Variants in BTNL9 observed in about 807,000 individuals in gnomAD.
The protein encoded by BTNL9 is butyrophilin like 9.
Under a neutral mutation model 45.8 loss-of-function variants are expected in BTNL9, and 45 were observed. That is an observed-to-expected ratio of 0.98 (90% CI 0.77 to 1.26). BTNL9 has a LOEUF of 1.26. Ranked by LOEUF, BTNL9 falls within the 50% of genes most tolerant of loss-of-function variation. BTNL9 has a pLI of 0.00. For synonymous variants in BTNL9, 346 were observed against 330.8 expected (o/e 1.05, Z -0.50); for missense variants, 784 against 729.7 (o/e 1.07, Z -0.86).
In BTNL9 at chr5:181,059,843, C is replaced by T. The variant is rs750680841; in HGVS notation, c.1589C>T (p.Pro530Leu). 20 of 1,574,930 alleles carry T rather than the reference C, an allele frequency of 1.3e-5. No individual in the cohort carries two copies. The African/African-American group carries it at 2.6e-4, about 20-fold the overall frequency. Reference sequence around the variant, plus strand: ...CTACAGCCCTATGAGCCCGCGGACCCCGCCCTGGACTGGTGGTGAGGCGCC... The same window carrying T: ...CTACAGCCCTATGAGCCCGCGGACCTCGCCCTGGACTGGTGGTGAGGCGCC... ...TWLQPYEPADPALDWW is the reference protein window; with the variant it reads ...TWLQPYEPADLALDWW The change falls in exon 11 of 11, where the codon CCC becomes CTC. Residue 530 changes from proline (P) to leucine (L), a missense_variant. Coordinates refer to ENST00000327705, the MANE Select transcript of BTNL9 (RefSeq NM_152547.5).
In BTNL9 at chr5:181,048,325, C is replaced by G; in HGVS notation, c.454+54C>G. On this transcript the variant is annotated intron_variant, in intron 3 of 10. Transcript: ENST00000327705. ...AGGAGAGGGAGATCCAGGTGCTTTG[C>G]CAAGTAGAGGTGGAGTCACAGAGAA... 3 of 1,470,836 alleles carry G rather than the reference C, an allele frequency of 2.0e-6. No individual in the cohort carries two copies. In the South Asian group the frequency reaches 3.7e-5, roughly 18 times the overall value. The allele number at this position is 1,470,836 out of a possible 1,614,324, so 91.1% of individuals were successfully genotyped here.
In BTNL9 at chr5:181,050,064, T is replaced by C; in HGVS notation, c.455-24T>C. On this transcript the variant is annotated intron_variant, in intron 3 of 10. Transcript: ENST00000327705. The surrounding 1 kb of genome is among the most constrained non-coding windows in gnomAD (Gnocchi z 4.9). Reference sequence around the variant, plus strand: ...GATTTCTCAGAAGAAGCCTGACCTTTCCCACTCCTCCTGCCTCCACCAGGG... The same window carrying C: ...GATTTCTCAGAAGAAGCCTGACCTTCCCCACTCCTCCTGCCTCCACCAGGG... The C allele has an allele frequency of 6.2e-7, 1 of 1,604,776 alleles. No individual in the cohort carries two copies. The highest frequency in any genetic ancestry group is 1.7e-4 in the Middle Eastern group (1 of 5,872).
At position 181,060,091 on chromosome 5, in the gene BTNL9, G is replaced by A; in HGVS notation, c.*229G>A. 1 of 530,462 alleles carries A rather than the reference G, an allele frequency of 1.9e-6. No individual in the cohort carries two copies. Among genetic ancestry groups the A allele is most frequent in the Non-Finnish European group, 3.3e-6 (1 of 303,084 alleles). The allele number at this position is 530,462 out of a possible 1,614,324, so 32.9% of individuals were successfully genotyped here. On this transcript the variant is annotated 3_prime_UTR_variant, in exon 11 of 11. Coordinates refer to ENST00000327705, the MANE Select transcript of BTNL9 (RefSeq NM_152547.5). ...GTGGATTGTGGGACTGAGCGAAGGAGTACAAATATATCCACGTCGCTCAGA... is the reference window on the plus strand; with the variant it reads ...GTGGATTGTGGGACTGAGCGAAGGAATACAAATATATCCACGTCGCTCAGA...
At position 181,053,104 on chromosome 5, in the gene BTNL9, C is replaced by T; in HGVS notation, c.737-96C>T. 9.1e-7 allele frequency: 1 copy of T among 1,095,240 alleles called. No individual in the cohort carries two copies. The highest frequency in any genetic ancestry group is 1.3e-6 in the Non-Finnish European group (1 of 778,632). 67.8% of individuals were successfully genotyped at this position (1,095,240 alleles called of 1,614,324 possible). On this transcript the variant is annotated intron_variant, in intron 4 of 10. Transcript: ENST00000327705. The surrounding 1 kb of genome is among the most constrained non-coding windows in gnomAD (Gnocchi z 6.5). ...CTGCGGTGGCGCCCGGAGAAGGTCC[C>T]GCGGGAGGTTTCCCGGCACGCGGCG...
Position 181,059,750 on chromosome 5 carries a change from C to T in BTNL9, c.1496C>T (p.Pro499Leu). Residue 499 changes from proline to leucine, a missense_variant, in exon 11 of 11, where the codon CCC becomes CTC. Physicochemically the swap from Pro to Leu is moderately conservative, Grantham distance 98. Transcript: ENST00000327705. Reference protein sequence around the residue: ...RAHDGGEHPDPLTICPLPVRG... With the variant: ...RAHDGGEHPDLLTICPLPVRG... The stretch of plus-strand genomic sequence containing the variant: ...CACGACGGCGGCGAACATCCGGATC[C>T]CCTGACCATCTGCCCGCTGCCGGTT... 2 of 1,612,512 alleles carry T rather than the reference C, an allele frequency of 1.2e-6. No homozygotes were observed. Among genetic ancestry groups the T allele is most frequent in the Non-Finnish European group, 8.5e-7 (1 of 1,179,898 alleles).
intron 10 of BTNL9, 82 bp from the exon 11 acceptor site, chr5:181,059,155 C>T (rs566174938): frequency 1.3e-5 from 18 of 1,407,602 alleles, no homozygotes; most frequent in Middle Eastern, 2.6e-4. Context: ...CCAAGAGAAA[C>T]GAGAGGTTTG....
chr5:181,045,422 C>A, intron 1 of BTNL9, 45 bp from the exon 2 acceptor site: 2 of 1,028,558 alleles, frequency 1.9e-6, no homozygotes, highest in Non-Finnish European at 1.5e-6. Flanking sequence ...TTCCAGCTCC[C>A]CCTACCTTTG....
In BTNL9 at chr5:181,053,083, G is replaced by C. The variant is rs1761659142; in HGVS notation, c.737-117G>C. 13 of 835,946 alleles carry C rather than the reference G, an allele frequency of 1.6e-5. No homozygotes were observed. The South Asian group carries it at 1.7e-4, about 11-fold the overall frequency. 51.8% of individuals were successfully genotyped at this position (835,946 alleles called of 1,614,324 possible). A position where few individuals can be genotyped will look rare whatever the true frequency, so the allele number is the denominator to read the frequency against. On this transcript the variant is annotated intron_variant, in intron 4 of 10. Coordinates refer to ENST00000327705, the MANE Select transcript of BTNL9 (RefSeq NM_152547.5). This position sits in a 1 kb window ranked among gnomAD's most constrained non-coding sequence, Gnocchi z 6.5. Reference sequence around the variant, plus strand: ...CCACGCCCGTTTCCCAGGCGGCTGCGGTGGCGCCCGGAGAAGGTCCCGCGG... The same window carrying C: ...CCACGCCCGTTTCCCAGGCGGCTGCCGTGGCGCCCGGAGAAGGTCCCGCGG...
At chr5:181,047,176 C>T (rs75283042) in intron 2 of BTNL9, among the ~76,000 whole-genome samples, 2,020 of 152,180 alleles carry the variant, frequency 0.013, 48 homozygotes, top group African/African-American at 0.046. Flanking sequence ...GGGAACCGTG[C>T]GTGCGGAAGA....
intron 7 of BTNL9, chr5:181,054,960 C>A (rs1761797603): frequency 2.0e-6 from 2 of 985,464 alleles, no homozygotes; most frequent in Non-Finnish European, 1.2e-6. Flanking sequence ...CAAAGGAATG[C>A]ATTTTTAGTA....
chr5:181,049,431 T>C (rs1409747121), intron 3 of BTNL9, among the ~76,000 whole-genome samples: 3 of 152,134 alleles, frequency 2.0e-5, no homozygotes, highest in Admixed American at 6.6e-5. Flanking sequence ...ATTTCTAGTA[T>C]TGTTAAGAGA....
At position 181,060,015 on chromosome 5, in the gene BTNL9, A is replaced by G. The variant is rs1762090950; in HGVS notation, c.*153A>G. ...GGGACCTTTGCCTACGTAGATGTGT[A>G]TGTGTAGTGCGATTTTCTTCAAGGA... On this transcript the variant is annotated 3_prime_UTR_variant, in exon 11 of 11. Coordinates refer to ENST00000327705, the MANE Select transcript of BTNL9 (RefSeq NM_152547.5). The G allele has an allele frequency of 2.9e-6, 2 of 687,140 alleles. No homozygotes were observed. Among genetic ancestry groups the G allele is most frequent in the Non-Finnish European group, 2.4e-6 (1 of 420,176 alleles). 42.6% of individuals were successfully genotyped at this position (687,140 alleles called of 1,614,324 possible). A position where few individuals can be genotyped will look rare whatever the true frequency, so the allele number is the denominator to read the frequency against.
chr5:181,057,196 A>C (rs958542099), intron 9 of BTNL9: 1 of 152,152 alleles, frequency 6.6e-6, no homozygotes, highest in Non-Finnish European at 1.5e-5. Context: ...TGTGTTTTTG[A>C]AGTTTTGTTG....
Position 181,054,277 on chromosome 5 carries a change from G to A in BTNL9, c.907+18G>A, listed in dbSNP as rs1582143172. 6.2e-7 allele frequency: 1 copy of A among 1,610,590 alleles called. No individual in the cohort carries two copies. Among genetic ancestry groups the A allele is most frequent in the East Asian group, 2.2e-5 (1 of 44,840 alleles). ...AGAGCTGGGTAAGTTCTGGGTGCGG[G>A]GCCACAGTGCTGCCTGTCAGCCGGA... On this transcript the variant is annotated intron_variant, in intron 7 of 10. Transcript: ENST00000327705.
At chr5:181,058,439 G>T (rs1761991731) in intron 10 of BTNL9, 61 bp downstream of exon 10, 1 of 1,610,632 alleles carries the variant, frequency 6.2e-7, no homozygotes, top group Admixed American at 1.7e-5. Flanking sequence ...ACAGAAGGGA[G>T]GTGGAGAGAT....
In BTNL9 at chr5:181,059,798, A is replaced by G; in HGVS notation, c.1544A>G (p.Glu515Gly). ...GTTAGAGGGACGGGCGTCCCCGAAG[A>G]GAACGACAGTGACACCTGGCTACAG... ...LPVRGTGVPE[E>G]NDSDTWLQPY... The change falls in exon 11 of 11, where the codon GAG (glutamate) becomes GGG (glycine). Residue 515 changes from glutamate to glycine, a missense_variant. Coordinates refer to ENST00000327705, the MANE Select transcript of BTNL9 (RefSeq NM_152547.5). 1 of 1,603,836 alleles carries G rather than the reference A, an allele frequency of 6.2e-7. No individual in the cohort carries two copies. Among genetic ancestry groups the G allele is most frequent in the Non-Finnish European group, 8.5e-7 (1 of 1,178,848 alleles).
rs1011603268 is a variant in BTNL9, at chr5:181,042,736, C to A, written c.-24+2304C>A. Among the ~76,000 whole-genome samples, 5 of 152,088 alleles carry A rather than the reference C, an allele frequency of 3.3e-5. No individual in the cohort carries two copies. Among genetic ancestry groups the A allele is most frequent in the Non-Finnish European group, 7.4e-5 (5 of 67,996 alleles). ...AGCTTTAAGTTGTTTTATCTGGCAG[C>A]GGGATTTTAAATTTTGTATTCATTA... On this transcript the variant is annotated intron_variant, in intron 1 of 10. Transcript: ENST00000327705. The surrounding 1 kb of genome is among the most constrained non-coding windows in gnomAD (Gnocchi z 4.5).
rs1761448989 is a variant in BTNL9 at position 181,050,043 on chromosome 5, T to C, written c.455-45T>C. 6.3e-7 allele frequency: 1 copy of C among 1,580,922 alleles called. No individual in the cohort carries two copies. Among genetic ancestry groups the C allele is most frequent in the African/African-American group, 1.4e-5 (1 of 73,958 alleles). ...AGTGGCAGGAATGTTATGCGTGATT[T>C]CTCAGAAGAAGCCTGACCTTTCCCA... On this transcript the variant is annotated intron_variant, in intron 3 of 10. Coordinates refer to ENST00000327705, the MANE Select transcript of BTNL9 (RefSeq NM_152547.5). The surrounding 1 kb of genome is among the most constrained non-coding windows in gnomAD (Gnocchi z 4.9).
In BTNL9 at chr5:181,059,348, A is replaced by G. The variant is rs749760495; in HGVS notation, c.1094A>G (p.Gln365Arg). The change falls in exon 11 of 11, where the codon CAG becomes CGG. Residue 365 changes from glutamine (Q) to arginine (R), a missense_variant. Coordinates refer to ENST00000327705, the MANE Select transcript of BTNL9 (RefSeq NM_152547.5). ...CCAGGCCCGGCGCCTGGCCACCCGC[A>G]GCGGTTCTCGGAGCAGACGTGCGCG... is the stretch of plus-strand genomic sequence containing the variant. ...APPGPAPGHP[Q>R]RFSEQTCALS... is the part of the protein sequence containing the mutation. 4 of 1,542,510 alleles carry G rather than the reference A, an allele frequency of 2.6e-6. No homozygotes were observed. The highest frequency in any genetic ancestry group is 2.4e-5 in the South Asian group (2 of 84,060).
Sources: allele counts gnomAD v4.1 joint callset (sites outside exome capture counted in the v4.1 genomes callset), GRCh38; gene constraint gnomAD v4.1.1; non-coding constraint Gnocchi (gnomAD v3.1); transcripts MANE v1.5; gene names NCBI Gene and HGNC (gene_info 2026-07-23, HGNC 2026-07-21).